Variants in ARHGAP39 observed in about 807,000 individuals in gnomAD.
ARHGAP39 encodes Rho GTPase activating protein 39, also known as rho GTPase-activating protein 39.
A neutral mutation model predicts 106.9 loss-of-function variants in ARHGAP39; 44 were observed. That is an observed-to-expected ratio of 0.41 (90% CI 0.32 to 0.53). The LOEUF is 0.53. Among genes scored for constraint, ARHGAP39 ranks in the 20% least tolerant of loss-of-function variants. The pLI is 0.21. For missense variants in ARHGAP39, 1,496 were observed against 1,577.3 expected (o/e 0.95, Z 0.87); for synonymous variants, 768 against 693.2 (o/e 1.11, Z -1.69).
rs780244634 is a variant in ARHGAP39 at position 144,588,807 on chromosome 8, G to A, written c.81-7530C>T. Among the ~76,000 whole-genome samples, 11 of 152,366 alleles carry A rather than the reference G, an allele frequency of 7.2e-5. No homozygotes were observed. In the South Asian group the frequency reaches 1.0e-3, roughly 14 times the overall value. Reference sequence around the variant, plus strand: ...GGCAGGACTCTTGTGCGTGCTCACCGCGCCGTGACATGAGAGCAGCACGCC... The same window carrying A: ...GGCAGGACTCTTGTGCGTGCTCACCACGCCGTGACATGAGAGCAGCACGCC... On this transcript the variant is annotated intron_variant, in intron 2 of 11. Coordinates refer to ENST00000377307, the MANE Select transcript of ARHGAP39 (RefSeq NM_025251.3).
chr8:144,532,608 T>C (rs1816775848), intron 9 of ARHGAP39, among the ~76,000 whole-genome samples: 1 of 152,148 alleles, frequency 6.6e-6, no homozygotes, highest in Admixed American at 6.5e-5. Flanking sequence ...CCGAGTGTGG[T>C]GCTTCCCCAG....
intron 3 of ARHGAP39, among the ~76,000 whole-genome samples, chr8:144,577,919 A>C (rs1818834146): frequency 6.6e-6 from 1 of 152,172 alleles, no homozygotes; most frequent in African/African-American, 2.4e-5. Context: ...GAAAATTAAT[A>C]TTGCTTGGAT....
At chr8:144,617,820 C>T (rs759140151) in intron 1 of ARHGAP39, among the ~76,000 whole-genome samples, 9 of 152,122 alleles carry the variant, frequency 5.9e-5, no homozygotes, top group Non-Finnish European at 5.9e-5. Flanking sequence ...CTTGCTCTGT[C>T]GCCCAGGCTG....
chr8:144,664,806 G>A (rs989912651), intron 1 of ARHGAP39, among the ~76,000 whole-genome samples: 1 of 152,318 alleles, frequency 6.6e-6, no homozygotes, highest in Non-Finnish European at 1.5e-5. Flanking sequence ...ATGTGGAACT[G>A]TAAGTCCAAT....
chr8:144,677,924 T>C (rs1354053995), intron 1 of ARHGAP39, among the ~76,000 whole-genome samples: 1 of 152,142 alleles, frequency 6.6e-6, no homozygotes, highest in African/African-American at 2.4e-5. Context: ...TCAAGACATT[T>C]ACACTTAGGA....
intron 1 of ARHGAP39, among the ~76,000 whole-genome samples, chr8:144,613,043 A>G (rs925417350): frequency 6.6e-6 from 1 of 152,138 alleles, no homozygotes; most frequent in Non-Finnish European, 1.5e-5. Flanking sequence ...TTGCTTTGCT[A>G]TTTTAGTAAA....
At chr8:144,600,886 TACCTGTGC>T (rs1289076857) in intron 2 of ARHGAP39, among the ~76,000 whole-genome samples, 5 of 150,830 alleles carry the variant, frequency 3.3e-5, no homozygotes. Flanking sequence ...CGTGCTCGTG[TACCTGTGC>T]GTGTGCGTGG....
intron 4 of ARHGAP39, among the ~76,000 whole-genome samples, chr8:144,552,628 T>C (rs1218920781): frequency 6.6e-6 from 1 of 152,176 alleles, no homozygotes; most frequent in Non-Finnish European, 1.5e-5. Context: ...CCTGCTGTTC[T>C]AGGTGTGGTC....
In ARHGAP39 at chr8:144,545,402, G is replaced by C; in HGVS notation, c.2368C>G (p.Arg790Gly). Residue 790 changes from arginine to glycine, a missense_variant, in exon 6 of 12, where the codon CGG (arginine) becomes GGG (glycine). This residue lies in a region of ARHGAP39 where 470 missense variants were observed against 605.1 expected (regional missense o/e 0.78). Transcript: ENST00000377307. ...LRDELYIQLC[R>G]QTTENFRLES... ...AGGCGGAAGTTCTCGGTGGTCTGCC[G>C]GCACAGCTGGATGTAGAGCTCGTCC... 6.8e-7 allele frequency: 1 copy of C among 1,473,960 alleles called. No individual in the cohort carries two copies. Among genetic ancestry groups the C allele is most frequent in the Non-Finnish European group, 9.0e-7 (1 of 1,105,886 alleles). 91.3% of individuals were successfully genotyped at this position (1,473,960 alleles called of 1,614,324 possible). A position where few individuals can be genotyped will look rare whatever the true frequency, so the allele number is the denominator to read the frequency against.
chr8:144,542,809 C>T (rs549245250), intron 6 of ARHGAP39, among the ~76,000 whole-genome samples: 3 of 151,920 alleles, frequency 2.0e-5, no homozygotes, highest in Admixed American at 6.5e-5. Context: ...TATGGTGGCG[C>T]GCACCTGTGG....
intron 2 of ARHGAP39, among the ~76,000 whole-genome samples, chr8:144,588,244 G>A (rs1289886366): frequency 1.3e-5 from 2 of 152,224 alleles, no homozygotes; most frequent in Admixed American, 6.5e-5. Context: ...GGGCCGCCCC[G>A]AGGGCTCCTG....
intron 2 of ARHGAP39, among the ~76,000 whole-genome samples, chr8:144,589,523 C>T (rs1485513728): frequency 6.6e-6 from 1 of 152,186 alleles, no homozygotes; most frequent in Non-Finnish European, 1.5e-5. Flanking sequence ...TTGGTGACCA[C>T]GAGGCAGCTT....
At chr8:144,551,118 T>C (rs1176347816) in intron 4 of ARHGAP39, among the ~76,000 whole-genome samples, 1 of 151,924 alleles carries the variant, frequency 6.6e-6, no homozygotes, top group African/African-American at 2.4e-5. Flanking sequence ...GGGCCAGGCC[T>C]AGGGAAGGAC....
chr8:144,546,841 G>A (rs1817445618), intron 5 of ARHGAP39, among the ~76,000 whole-genome samples: 1 of 152,188 alleles, frequency 6.6e-6, no homozygotes, highest in Non-Finnish European at 1.5e-5. Context: ...TCTGTTCTGT[G>A]TCTGGAGTCA....
intron 2 of ARHGAP39, among the ~76,000 whole-genome samples, chr8:144,600,428 G>C (rs565271520): frequency 6.7e-6 from 1 of 149,110 alleles, no homozygotes; most frequent in African/African-American, 2.5e-5. Context: ...CTGAGTGTGC[G>C]TGTTCGTGGA....
At chr8:144,557,125 G>C (rs368755128) in intron 3 of ARHGAP39, among the ~76,000 whole-genome samples, 5 of 144,978 alleles carry the variant, frequency 3.4e-5, no homozygotes, top group Admixed American at 1.3e-4. Flanking sequence ...AGAGGCAAAG[G>C]CTGAACCTTC....
chr8:144,575,350 T>G (rs1409105122), intron 3 of ARHGAP39, among the ~76,000 whole-genome samples: 1 of 152,264 alleles, frequency 6.6e-6, no homozygotes, highest in Admixed American at 6.5e-5. Flanking sequence ...TTTTAGTTTC[T>G]TTAAACTTTT....
chr8:144,642,614 T>A (rs922289828), intron 1 of ARHGAP39, among the ~76,000 whole-genome samples: 4 of 152,062 alleles, frequency 2.6e-5, no homozygotes, highest in African/African-American at 9.7e-5. Context: ...AGGGACCTAG[T>A]GGGAGGTAAC....
chr8:144,530,171 G>A lies in ARHGAP39; in HGVS notation c.*251C>T, dbSNP rs1042827081. ...CGGAGCTGACCCGCGGCCAGCGGAG[G>A]GCGAGGCGGTGCCCGCGGGAACTGG... On this transcript the variant is annotated 3_prime_UTR_variant, in exon 12 of 12. Transcript: ENST00000377307. The A allele has an allele frequency of 4.5e-5, 24 of 530,876 alleles. No individual in the cohort carries two copies. The highest frequency in any genetic ancestry group is 6.3e-5 in the Non-Finnish European group (19 of 300,788). The allele number at this position is 530,876 out of a possible 1,614,324, so 32.9% of individuals were successfully genotyped here. A position where few individuals can be genotyped will look rare whatever the true frequency, so the allele number is the denominator to read the frequency against.
Sources: allele counts gnomAD v4.1 joint callset (sites outside exome capture counted in the v4.1 genomes callset), GRCh38; gene constraint gnomAD v4.1.1; regional missense constraint gnomAD v4.1.1; transcripts MANE v1.5; gene names NCBI Gene and HGNC (gene_info 2026-07-23, HGNC 2026-07-21).